The following HS6ST2 variants were observed in gnomAD, a reference collection of about 807,000 sequenced individuals.
The protein encoded by HS6ST2 is heparan sulfate 6-O-sulfotransferase 2, also known as heparan-sulfate 6-O-sulfotransferase 2.
Under a neutral mutation model 33.0 loss-of-function variants are expected in HS6ST2, and 17 were observed. The ratio of observed to expected loss-of-function variants is 0.52; its 90% CI spans 0.35 to 0.77. The LOEUF is 0.77. Ranked by LOEUF, HS6ST2 falls within the 30% of genes least tolerant of loss-of-function variation. HS6ST2 has a pLI of 0.01. For synonymous variants in HS6ST2, 248 were observed against 237.1 expected (o/e 1.05, Z -0.42); for missense variants, 519 against 551.7 (o/e 0.94, Z 0.59).
At chrX:132,720,649 T>A (rs1602608960) in intron 2 of HS6ST2, among the ~76,000 whole-genome samples, 1 of 105,963 alleles carries the variant, frequency 9.4e-6, no homozygotes, top group Non-Finnish European at 1.9e-5. Context: ...AAAAAAAAAA[T>A]GACCCAATGA....
At chrX:132,670,525 C>T (rs1017123592) in intron 3 of HS6ST2, among the ~76,000 whole-genome samples, 1 of 111,921 alleles carries the variant, frequency 8.9e-6, no homozygotes, top group African/African-American at 3.2e-5. Context: ...CTAGGCTGGG[C>T]GCGGTGGCTC....
At chrX:132,860,331 T>C (rs937629323) in intron 2 of HS6ST2, among the ~76,000 whole-genome samples, 3 of 112,292 alleles carry the variant, frequency 2.7e-5, no homozygotes, top group Non-Finnish European at 5.6e-5. Flanking sequence ...TTCATGTTCA[T>C]AAAACTCAGT....
chrX:132,719,549 A>G (rs2064310071), intron 2 of HS6ST2, among the ~76,000 whole-genome samples: 1 of 111,740 alleles, frequency 8.9e-6, no homozygotes, highest in African/African-American at 3.3e-5. Context: ...GCCTTGGACA[A>G]GGTCATGCAT....
chrX:132,773,143 T>G (rs1883878560), intron 2 of HS6ST2, among the ~76,000 whole-genome samples: 1 of 98,823 alleles, frequency 1.0e-5, no homozygotes, highest in Non-Finnish European at 2.0e-5. Context: ...ATTAATCATG[T>G]GAATATATTG....
rs139897618 is a variant in HS6ST2, at chrX:132,666,083, C to T, written c.1067+3030G>A. 1.7e-3 allele frequency among the ~76,000 whole-genome samples: 194 copies of T among 112,221 alleles called. 1 individual carries two copies. The Middle Eastern group carries it at 0.018, about 11-fold the overall frequency. On this transcript the variant is annotated intron_variant, in intron 4 of 4. Coordinates refer to ENST00000370833, the MANE Select transcript of HS6ST2 (RefSeq NM_001394073.1). ...GCTTTGACCTAATCCACAACTCCAA[C>T]GTGTTCTGACCAAGACACAGAGGAT...
intron 2 of HS6ST2, among the ~76,000 whole-genome samples, chrX:132,829,244 CAT>C (rs1465790660): frequency 4.3e-5 from 4 of 93,515 alleles, no homozygotes; most frequent in Non-Finnish European, 6.4e-5. Context: ...ATGTGAAGCA[CAT>C]ATGTTTATGC....
intron 4 of HS6ST2, among the ~76,000 whole-genome samples, chrX:132,646,121 G>A (rs759939943): frequency 2.1e-4 from 24 of 111,758 alleles, no homozygotes; most frequent in African/African-American, 6.5e-4. Context: ...GCATGACAGC[G>A]GAGAGCTTTC....
At chrX:132,927,741 C>T (rs2066723658) in intron 2 of HS6ST2, among the ~76,000 whole-genome samples, 1 of 110,253 alleles carries the variant, frequency 9.1e-6, no homozygotes, top group Non-Finnish European at 1.9e-5. Flanking sequence ...CCTGTAGTTC[C>T]AGCTACTCTG....
chrX:132,957,149 G>A lies in HS6ST2; in HGVS notation c.606C>T (p.Ala202=). 1 of 1,211,844 alleles carries A rather than the reference G, an allele frequency of 8.3e-7. No homozygotes were observed. Among genetic ancestry groups the A allele is most frequent in the Non-Finnish European group, 1.1e-6 (1 of 895,430 alleles). The change falls in exon 2 of 5, where the codon GCC becomes GCT. Residue 202 remains alanine, a synonymous_variant. Coordinates refer to ENST00000370833, the MANE Select transcript of HS6ST2 (RefSeq NM_001394073.1). ...TGAAATTGTAGCGGGGCACGAACCTGGCGGAGCTCTCATCCTCCGAGCGGT... is the reference window on the plus strand; with the variant it reads ...TGAAATTGTAGCGGGGCACGAACCTAGCGGAGCTCTCATCCTCCGAGCGGT... ...DPYRSEDESS[A]RFVPRYNFTR... is the part of the protein sequence containing the mutation.
At chrX:132,670,867 G>A (rs889810820) in intron 3 of HS6ST2, among the ~76,000 whole-genome samples, 17 of 112,401 alleles carry the variant, frequency 1.5e-4, no homozygotes, top group African/African-American at 5.5e-4. Context: ...GCTCTTAGAA[G>A]TGGGAGATAC....
intron 2 of HS6ST2, among the ~76,000 whole-genome samples, chrX:132,763,926 T>C (rs896993314): frequency 8.9e-5 from 10 of 112,711 alleles, no homozygotes; most frequent in Admixed American, 7.5e-4. Flanking sequence ...CCCTGACAGA[T>C]AGCATGTTGG....
At chrX:132,761,031 T>C (rs1008317508) in intron 2 of HS6ST2, among the ~76,000 whole-genome samples, 1 of 111,267 alleles carries the variant, frequency 9.0e-6, no homozygotes, top group African/African-American at 3.3e-5. Flanking sequence ...GGATAAGATA[T>C]GGGTGAAAAA....
chrX:132,728,227 C>T (rs1340284549), intron 2 of HS6ST2, among the ~76,000 whole-genome samples: 1 of 112,203 alleles, frequency 8.9e-6, no homozygotes, highest in Non-Finnish European at 1.9e-5. Context: ...TTTTCCATAG[C>T]AGCTGCAACA....
At chrX:132,915,265 C>A (rs1310738967) in intron 2 of HS6ST2, among the ~76,000 whole-genome samples, 1 of 112,297 alleles carries the variant, frequency 8.9e-6, no homozygotes, top group Non-Finnish European at 1.9e-5. Context: ...GGGCTCAGGG[C>A]TCAGGCTATG....
intron 2 of HS6ST2, among the ~76,000 whole-genome samples, chrX:132,815,152 GA>G (rs766714921): frequency 1.8e-4 from 20 of 112,061 alleles, no homozygotes; most frequent in Non-Finnish European, 3.6e-4. Context: ...TGGAAGAAAC[GA>G]AATAGAAATT....
At chrX:132,638,709 T>G (rs1238191056) in intron 4 of HS6ST2, among the ~76,000 whole-genome samples, 1 of 112,158 alleles carries the variant, frequency 8.9e-6, no homozygotes, top group African/African-American at 3.2e-5. Context: ...CTTTCTGGGC[T>G]ACCCACAGGA....
At chrX:132,670,610 C>A (rs756620395) in intron 3 of HS6ST2, among the ~76,000 whole-genome samples, 1 of 110,825 alleles carries the variant, frequency 9.0e-6, no homozygotes, top group Non-Finnish European at 1.9e-5. Flanking sequence ...CCAGCCTGGC[C>A]AACATAGCAA....
rs776369958 is a variant in HS6ST2 at position 132,913,252 on chromosome X, C to T, written c.947+43556G>A. On this transcript the variant is annotated intron_variant, in intron 2 of 4. Transcript: ENST00000370833. Reference sequence around the variant, plus strand: ...TGTAAAACTGTAGCCCTCTGCCCTCCGCCAGTGCCAGGCAGCCACTTCATG... The same window carrying T: ...TGTAAAACTGTAGCCCTCTGCCCTCTGCCAGTGCCAGGCAGCCACTTCATG... Among the ~76,000 whole-genome samples the T allele has an allele frequency of 1.2e-4, 13 of 112,094 alleles. No individual in the cohort carries two copies. In the East Asian group the frequency reaches 1.7e-3, roughly 15 times the overall value.
At chrX:132,883,031 T>C (rs1602805109) in intron 2 of HS6ST2, among the ~76,000 whole-genome samples, 4 of 111,411 alleles carry the variant, frequency 3.6e-5, no homozygotes. Flanking sequence ...GGTTTGCCAG[T>C]ATTTTATTGA....
Sources: allele counts gnomAD v4.1 joint callset (sites outside exome capture counted in the v4.1 genomes callset), GRCh38; gene constraint gnomAD v4.1.1; transcripts MANE v1.5; gene names NCBI Gene and HGNC (gene_info 2026-07-23, HGNC 2026-07-21).